HSPA1L: variants seen among roughly 807,000 people sequenced by gnomAD.
The protein encoded by HSPA1L is heat shock protein family A (Hsp70) member 1 like.
HSPA1L carries 21 observed loss-of-function variants against 31.5 expected under a neutral mutation model. That is an observed-to-expected ratio of 0.67 (90% CI 0.47 to 0.96). HSPA1L has a LOEUF of 0.96. HSPA1L is among the 40% of genes least tolerant of loss of function. The pLI is 0.00. For synonymous variants in HSPA1L, 293 were observed against 323.1 expected, an observed-to-expected ratio of 0.91 and a Z score of 1.00; for missense variants, 709 against 813.4, an observed-to-expected ratio of 0.87 and a Z score of 1.56.
At position 31,815,196 on chromosome 6, in the gene HSPA1L, A is replaced by C; in HGVS notation, c.-321T>G. On this transcript the variant is annotated 5_prime_UTR_variant, in exon 1 of 2. Transcript: ENST00000375654. ...CTGCCCACAACTGCGCAGGCCCAGCAAGCCCCCACAATTAAAAGCCCAGCG... is the reference window on the plus strand; with the variant it reads ...CTGCCCACAACTGCGCAGGCCCAGCCAGCCCCCACAATTAAAAGCCCAGCG... 4.5e-6 allele frequency: 1 copy of C among 221,472 alleles called. No individual in the cohort carries two copies. The highest frequency in any genetic ancestry group is 8.5e-6 in the Non-Finnish European group (1 of 117,398). The allele number at this position is 221,472 out of a possible 1,614,324, so 13.7% of individuals were successfully genotyped here.
At chr6:31,813,557 G>C (rs553174026) in intron 1 of HSPA1L, among the ~76,000 whole-genome samples, 8 of 152,168 alleles carry the variant, frequency 5.3e-5, no homozygotes, top group African/African-American at 1.9e-4. Flanking sequence ...CGCCCGCCTC[G>C]GTCTCCCTAA....
At position 31,810,273 on chromosome 6, in the gene HSPA1L, G is replaced by A. The variant is rs1351762990; in HGVS notation, c.1700C>T (p.Ser567Phe). The A allele has an allele frequency of 4.6e-6, 7 of 1,531,052 alleles. No homozygotes were observed. The highest frequency in any genetic ancestry group is 1.4e-5 in the African/African-American group (1 of 72,008). The allele number at this position is 1,531,052 out of a possible 1,614,324, so 94.8% of individuals were successfully genotyped here. ...DEGLKGKISESDKNKILDKCN... is the reference protein window; with the variant it reads ...DEGLKGKISEFDKNKILDKCN... ...TTTATCCAATATTTTATTTTTATCA[G>A]ACTCACTAATCTTGCCCTTCAAACC... Residue 567 changes from serine to phenylalanine, a missense_variant, in exon 2 of 2, where the codon TCT becomes TTT. By Grantham distance (155) the Ser-to-Phe change is radical. Transcript: ENST00000375654.
Position 31,815,239 on chromosome 6 carries a change from T to G in HSPA1L, c.-364A>C, listed in dbSNP as rs963170091. On this transcript the variant is annotated 5_prime_UTR_variant, in exon 1 of 2. Transcript: ENST00000375654. ...GCCCAGCGCCGACCCTTCCTGTCAA[T>G]TAGGCGCTGAAGCGCAGGCGGTCAG... Among the ~76,000 whole-genome samples the G allele has an allele frequency of 1.3e-5, 2 of 151,956 alleles. No homozygotes were observed. The highest frequency in any genetic ancestry group is 2.9e-5 in the Non-Finnish European group (2 of 67,994).
At position 31,811,815 on chromosome 6, in the gene HSPA1L, A is replaced by C. The variant is rs141349016; in HGVS notation, c.158T>G (p.Ile53Ser). 2.5e-6 allele frequency: 4 copies of C among 1,614,120 alleles called. No individual in the cohort carries two copies. The highest frequency in any genetic ancestry group is 3.4e-6 in the Non-Finnish European group (4 of 1,180,008). ...TACCTGGTTCTTGGCCGCATCCCCAATGAGCCGCTCGGTGTCTGTGAAGGC... is the reference window on the plus strand; with the variant it reads ...TACCTGGTTCTTGGCCGCATCCCCACTGAGCCGCTCGGTGTCTGTGAAGGC... ...YVAFTDTERL[I>S]GDAAKNQVAM... Residue 53 changes from isoleucine to serine, a missense_variant, in exon 2 of 2, where the codon ATT becomes AGT. Transcript: ENST00000375654.
chr6:31,814,813 AC>A (rs1438331232), intron 1 of HSPA1L, 75 bp downstream of exon 1: 1 of 795,870 alleles, frequency 1.3e-6, no homozygotes. Context: ...CAACTAGGGA[AC>A]TTTCCAGTAC....
chr6:31,811,351 C>T lies in HSPA1L; in HGVS notation c.622G>A (p.Asp208Asn), dbSNP rs1290081406. Residue 208 changes from aspartate to asparagine, a missense_variant, in exon 2 of 2, where the codon GAT becomes AAT. Asp to Asn is a conservative substitution (Grantham distance 23). Transcript: ENST00000375654. ...LIFDLGGGTFDVSILTIDDGI... is the reference protein window; with the variant it reads ...LIFDLGGGTFNVSILTIDDGI... ...TCATCTATGGTCAGAATTGACACAT[C>T]AAATGTGCCTCCACCCAGATCAAAA... The T allele has an allele frequency of 6.2e-7, 1 of 1,614,208 alleles. No individual in the cohort carries two copies. The highest frequency in any genetic ancestry group is 1.1e-5 in the South Asian group (1 of 91,082).
chr6:31,814,037 C>T (rs890478462), intron 1 of HSPA1L, among the ~76,000 whole-genome samples: 5 of 152,318 alleles, frequency 3.3e-5, no homozygotes, highest in East Asian at 3.9e-4. Context: ...TTTTCTCAAA[C>T]GACATGGCAC....
rs988169298 is a variant in HSPA1L, at chr6:31,809,808, T to A, written c.*239A>T. On this transcript the variant is annotated 3_prime_UTR_variant, in exon 2 of 2. Coordinates refer to ENST00000375654, the MANE Select transcript of HSPA1L (RefSeq NM_005527.4). ...AGAAGAATGTTAGGGTGGCTGGAAA[T>A]AACAGACATTCAAATACATCACACG... 4.6e-5 allele frequency: 18 copies of A among 394,850 alleles called. No individual in the cohort carries two copies. The highest frequency in any genetic ancestry group is 3.7e-4 in the African/African-American group (18 of 48,554). The allele number at this position is 394,850 out of a possible 1,614,324, so 24.5% of individuals were successfully genotyped here.
chr6:31,811,835 G>A lies in HSPA1L; in HGVS notation c.138C>T (p.Phe46=), dbSNP rs764337395. The change falls in exon 2 of 2, where the codon TTC becomes TTT. Residue 46 remains phenylalanine, a synonymous_variant. Transcript: ENST00000375654. ...CCCCAATGAGCCGCTCGGTGTCTGT[G>A]AAGGCCACGTAGCTGGGGGTGGTGC... is the stretch of plus-strand genomic sequence containing the variant. ...GNRTTPSYVA[F]TDTERLIGDA... The A allele has an allele frequency of 8.1e-6, 13 of 1,614,178 alleles. No individual in the cohort carries two copies. The highest frequency in any genetic ancestry group is 7.6e-6 in the Non-Finnish European group (9 of 1,180,028).
In HSPA1L at chr6:31,811,929, G is replaced by C; in HGVS notation, c.44C>G (p.Thr15Ser). The C allele has an allele frequency of 6.2e-7, 1 of 1,614,198 alleles. No individual in the cohort carries two copies. Among genetic ancestry groups the C allele is most frequent in the Non-Finnish European group, 8.5e-7 (1 of 1,180,040 alleles). Residue 15 changes from threonine (T) to serine (S), a missense_variant, in exon 2 of 2, where the codon ACC becomes AGC. Coordinates refer to ENST00000375654, the MANE Select transcript of HSPA1L (RefSeq NM_005527.4). Reference sequence around the variant, plus strand: ...GAACACCCCCACACAGGAGTAGGTGGTGCCCAGGTCGATGCCTATGGCGAT... The same window carrying C: ...GAACACCCCCACACAGGAGTAGGTGCTGCCCAGGTCGATGCCTATGGCGAT... ...KGIAIGIDLG[T>S]TYSCVGVFQH...
At chr6:31,814,767 C>A (rs34416404) in intron 1 of HSPA1L, 122 bp downstream of exon 1, 10,365 of 311,040 alleles carry the variant, frequency 0.033, 240 homozygotes, top group African/African-American at 0.082. Flanking sequence ...TCCTCCTACC[C>A]GGATCAGCCA....
Position 31,811,983 on chromosome 6 carries a change from G to A in HSPA1L, c.-11C>T. ...CTTGGCAGTAGCCATGGTTCTCTGAGGCCTATGGAGAAAGAATAAGATACT... is the reference window on the plus strand; with the variant it reads ...CTTGGCAGTAGCCATGGTTCTCTGAAGCCTATGGAGAAAGAATAAGATACT... On this transcript the variant is annotated splice_region_variant and 5_prime_UTR_variant, in exon 2 of 2. Coordinates refer to ENST00000375654, the MANE Select transcript of HSPA1L (RefSeq NM_005527.4). 6.2e-7 allele frequency: 1 copy of A among 1,612,866 alleles called. No individual in the cohort carries two copies. Among genetic ancestry groups the A allele is most frequent in the Non-Finnish European group, 8.5e-7 (1 of 1,179,326 alleles).
At position 31,809,911 on chromosome 6, in the gene HSPA1L, A is replaced by T; in HGVS notation, c.*136T>A. 1 of 672,260 alleles carries T rather than the reference A, an allele frequency of 1.5e-6. No homozygotes were observed. The highest frequency in any genetic ancestry group is 2.2e-6 in the Non-Finnish European group (1 of 447,648). The allele number at this position is 672,260 out of a possible 1,614,324, so 41.6% of individuals were successfully genotyped here. A position where few individuals can be genotyped will look rare whatever the true frequency, so the allele number is the denominator to read the frequency against. On this transcript the variant is annotated 3_prime_UTR_variant, in exon 2 of 2. Transcript: ENST00000375654. Reference sequence around the variant, plus strand: ...TGTGAGGGAGTGTGATAGGTGGTGCATGAGACTCCTTCTCCAGAATTTCCA... The same window carrying T: ...TGTGAGGGAGTGTGATAGGTGGTGCTTGAGACTCCTTCTCCAGAATTTCCA...
At position 31,810,887 on chromosome 6, in the gene HSPA1L, G is replaced by T. The variant is rs967686617; in HGVS notation, c.1086C>A (p.Asn362Lys). Residue 362 changes from asparagine (N) to lysine (K), a missense_variant, in exon 2 of 2, where the codon AAC becomes AAA. Coordinates refer to ENST00000375654, the MANE Select transcript of HSPA1L (RefSeq NM_005527.4). The part of the protein sequence containing the change: ...LQDYFNGRDL[N>K]KSINPDEAVA... ...CGGCCTCATCAGGGTTGATGCTCTT[G>T]TTGAGATCACGTCCATTGAAGTAGT... The T allele has an allele frequency of 6.2e-7, 1 of 1,614,044 alleles. No homozygotes were observed.
At chr6:31,813,798 T>C (rs904668093) in intron 1 of HSPA1L, among the ~76,000 whole-genome samples, 2 of 152,250 alleles carry the variant, frequency 1.3e-5, no homozygotes, top group Non-Finnish European at 2.9e-5. Flanking sequence ...TATATTGTTT[T>C]CAATTTCCCA....
Position 31,811,649 on chromosome 6 carries a change from G to A in HSPA1L, c.324C>T (p.Ser108=). 6.2e-7 allele frequency: 1 copy of A among 1,614,160 alleles called. No homozygotes were observed. The highest frequency in any genetic ancestry group is 8.5e-7 in the Non-Finnish European group (1 of 1,180,044). Residue 108 remains serine (S), a synonymous_variant, in exon 2 of 2, where the codon TCC becomes TCT. Coordinates refer to ENST00000375654, the MANE Select transcript of HSPA1L (RefSeq NM_005527.4). The part of the protein sequence containing the change: ...NEGGKPKVLV[S]YKGENKAFYP... ...AGAAAGCTTTATTCTCCCCTTTGTA[G>A]GACACAAGGACTTTGGGCTTGCCTC...
In HSPA1L at chr6:31,810,096, T is replaced by C. The variant is rs777296245; in HGVS notation, c.1877A>G (p.Tyr626Cys). The C allele has an allele frequency of 2.7e-6, 4 of 1,478,492 alleles. No homozygotes were observed. Among genetic ancestry groups the C allele is most frequent in the Non-Finnish European group, 3.6e-6 (4 of 1,118,542 alleles). The allele number at this position is 1,478,492 out of a possible 1,614,324, so 91.6% of individuals were successfully genotyped here. Residue 626 changes from tyrosine to cysteine, a missense_variant, in exon 2 of 2, where the codon TAT becomes TGT. Tyr to Cys is a radical substitution (Grantham distance 194). Transcript: ENST00000375654. The stretch of plus-strand genomic sequence containing the variant: ...GCCTGTGGCAGGCCTTCCAGGCACA[T>C]ACCCTGTTCCGCAGGCAGGCCCAGT... ...GCTGPACGTGYVPGRPATGPT... is the reference protein window; with the variant it reads ...GCTGPACGTGCVPGRPATGPT...
In HSPA1L at chr6:31,810,159, C is replaced by A. The variant is rs371226757; in HGVS notation, c.1814G>T (p.Cys605Phe). The A allele has an allele frequency of 2.6e-6, 4 of 1,525,200 alleles. No homozygotes were observed. The African/African-American group carries it at 5.6e-5, about 21-fold the overall frequency. The allele number at this position is 1,525,200 out of a possible 1,614,324, so 94.5% of individuals were successfully genotyped here. ...DHKRKELEQM[C>F]NPIITKLYQG... is the part of the protein sequence containing the mutation. The stretch of plus-strand genomic sequence containing the variant: ...GTAGAGTTTTGTGATGATAGGGTTA[C>A]ACATCTGCTCCAATTCCTTTCTCTT... Residue 605 changes from cysteine (C) to phenylalanine (F), a missense_variant, in exon 2 of 2, where the codon TGT (cysteine) becomes TTT (phenylalanine). By Grantham distance (205) the Cys-to-Phe change is radical (BLOSUM62 -2). Transcript: ENST00000375654.
rs1815363729 is a variant in HSPA1L at position 31,810,905 on chromosome 6, GA to G, written c.1067del (p.Phe356SerfsTer16). 2 of 1,614,036 alleles carry G rather than the reference GA, an allele frequency of 1.2e-6. No homozygotes were observed. Among genetic ancestry groups the G allele is most frequent in the Non-Finnish European group, 1.7e-6 (2 of 1,180,044 alleles). Reference sequence around the variant, plus strand: ...TGCTCTTGTTGAGATCACGTCCATTGAAGTAGTCCTGAAGCAGCCGCTGCAC... The same window carrying G: ...TGCTCTTGTTGAGATCACGTCCATTGAGTAGTCCTGAAGCAGCCGCTGCAC... Reference protein sequence around the residue: ...PKVQRLLQDYFNGRDLNKSIN... With the variant: ...PKVQRLLQDYXNGRDLNKSIN... On this transcript the variant is annotated frameshift_variant, in exon 2 of 2. Coordinates refer to ENST00000375654, the MANE Select transcript of HSPA1L (RefSeq NM_005527.4). LOFTEE classifies it high-confidence loss of function.
Sources: allele counts gnomAD v4.1 joint callset (sites outside exome capture counted in the v4.1 genomes callset), GRCh38; gene constraint gnomAD v4.1.1; transcripts MANE v1.5; gene names NCBI Gene and HGNC (gene_info 2026-07-23, HGNC 2026-07-21).